Variants in CDK14 observed in about 807,000 individuals in gnomAD.
CDK14 encodes cyclin-dependent kinase 14.
In CDK14, 34 loss-of-function variants were observed where a neutral mutation model predicts 60.7. The ratio of observed to expected loss-of-function variants is 0.56; its 90% CI spans 0.43 to 0.75. The LOEUF is 0.75. Ranked by LOEUF, CDK14 falls within the 30% of genes least tolerant of loss-of-function variation. The pLI is 0.00. For synonymous variants in CDK14, 197 were observed against 203.7 expected (o/e 0.97, Z 0.28); for missense variants, 482 against 564.1 (o/e 0.85, Z 1.47).
At chr7:90,623,004 G>A (rs1799805622) in intron 2 of CDK14, among the ~76,000 whole-genome samples, 3 of 145,786 alleles carry the variant, frequency 2.1e-5, no homozygotes, top group African/African-American at 5.1e-5. Flanking sequence ...TGACAATTGT[G>A]TAATGAATAT....
At chr7:90,859,208 C>A (rs73401829) in intron 5 of CDK14, among the ~76,000 whole-genome samples, 9 of 152,250 alleles carry the variant, frequency 5.9e-5, no homozygotes, top group African/African-American at 2.2e-4. Context: ...CCTTCCCCAC[C>A]GATCAGTTAT....
intron 6 of CDK14, among the ~76,000 whole-genome samples, chr7:90,874,152 T>G (rs1791471044): frequency 6.6e-6 from 1 of 152,200 alleles, no homozygotes; most frequent in Non-Finnish European, 1.5e-5. Context: ...GGAGCTCTTT[T>G]GTCTTCATCT....
intron 2 of CDK14, among the ~76,000 whole-genome samples, chr7:90,701,173 C>T (rs534724957): frequency 6.6e-6 from 1 of 152,124 alleles, no homozygotes; most frequent in Admixed American, 6.6e-5. Flanking sequence ...TTCAGTTTCA[C>T]ATTTTTTATC....
At chr7:90,997,874 C>T (rs1369749245) in intron 10 of CDK14, among the ~76,000 whole-genome samples, 1 of 152,114 alleles carries the variant, frequency 6.6e-6, no homozygotes, top group Admixed American at 6.5e-5. Flanking sequence ...CAGTGGGCTT[C>T]AGTGAACTTC....
intron 2 of CDK14, among the ~76,000 whole-genome samples, chr7:90,628,741 C>T (rs1027966607): frequency 4.6e-5 from 7 of 152,000 alleles, no homozygotes; most frequent in Non-Finnish European, 7.4e-5. Flanking sequence ...AGACTCAAGG[C>T]GGGAGGATCA....
chr7:91,079,388 C>T, intron 11 of CDK14, 44 bp from the exon 12 acceptor site: 3 of 1,302,026 alleles, frequency 2.3e-6, no homozygotes, highest in South Asian at 2.5e-5. Flanking sequence ...GTAATATATA[C>T]ATTTGATACA....
intron 12 of CDK14, among the ~76,000 whole-genome samples, chr7:91,086,683 G>GTGTA (rs1554423868): frequency 1.6e-4 from 24 of 150,170 alleles, no homozygotes; most frequent in African/African-American, 5.4e-4. Context: ...GTGTGTGTGT[G>GTGTA]TATATATCTT....
chr7:90,608,694 A>G (rs893543303), intron 2 of CDK14: 2 of 207,924 alleles, frequency 9.6e-6, no homozygotes, highest in African/African-American at 4.7e-5. Flanking sequence ...AAAATGGGTG[A>G]CCGTGTATGA....
chr7:90,794,689 T>G (rs1456373395), intron 5 of CDK14, among the ~76,000 whole-genome samples: 1 of 151,872 alleles, frequency 6.6e-6, no homozygotes, highest in Non-Finnish European at 1.5e-5. Context: ...GATTTCATAT[T>G]GTTTAAACAA....
intron 2 of CDK14, among the ~76,000 whole-genome samples, chr7:90,706,102 TTGTC>T (rs1280573548): frequency 6.6e-6 from 1 of 152,190 alleles, no homozygotes; most frequent in Non-Finnish European, 1.5e-5. Flanking sequence ...ACAAGCCTTT[TTGTC>T]TCTTCTCTTT....
chr7:90,621,697 C>T (rs1283622287), intron 2 of CDK14, among the ~76,000 whole-genome samples: 4 of 151,582 alleles, frequency 2.6e-5, no homozygotes, highest in Admixed American at 6.6e-5. Context: ...GCCTTCCTTC[C>T]TTCCTTCCTT....
chr7:90,601,111 G>T (rs1184927436), intron 1 of CDK14, among the ~76,000 whole-genome samples: 2 of 152,254 alleles, frequency 1.3e-5, no homozygotes, highest in Non-Finnish European at 2.9e-5. Flanking sequence ...TCTAGAGGAA[G>T]GACTGTCTGA....
At chr7:90,967,171 G>A (rs1292059026) in intron 9 of CDK14, among the ~76,000 whole-genome samples, 6 of 138,736 alleles carry the variant, frequency 4.3e-5, no homozygotes, top group Non-Finnish European at 9.7e-5. Context: ...GGGAGGGAAG[G>A]AAGGAGGGAA....
intron 14 of CDK14, among the ~76,000 whole-genome samples, chr7:91,167,478 G>A (rs1442820096): frequency 2.6e-5 from 4 of 152,206 alleles, no homozygotes; most frequent in Admixed American, 6.5e-5. Context: ...GGCAGCCATT[G>A]CTACATTCAC....
chr7:90,950,485 G>A (rs534694388), intron 8 of CDK14, among the ~76,000 whole-genome samples: 1 of 152,266 alleles, frequency 6.6e-6, no homozygotes, highest in African/African-American at 2.4e-5. Flanking sequence ...ATGATATGAG[G>A]ACCTAAGAAG....
At chr7:91,060,658 A>C (rs897554865) in intron 11 of CDK14, among the ~76,000 whole-genome samples, 6 of 152,114 alleles carry the variant, frequency 3.9e-5, no homozygotes, top group Non-Finnish European at 7.4e-5. Flanking sequence ...TTCACTTATG[A>C]AACTTAGTTT....
At chr7:90,968,836 A>AAAT (rs1369105051) in intron 9 of CDK14, among the ~76,000 whole-genome samples, 1 of 151,822 alleles carries the variant, frequency 6.6e-6, no homozygotes, top group East Asian at 1.9e-4. Flanking sequence ...ACAAAAAAAA[A>AAAT]ACAGCTCTAG....
At chr7:90,933,388 G>C (rs1309311318) in intron 8 of CDK14, among the ~76,000 whole-genome samples, 1 of 152,138 alleles carries the variant, frequency 6.6e-6, no homozygotes, top group Admixed American at 6.5e-5. Flanking sequence ...GATAGTACAG[G>C]TGATGATAAG....
At chr7:90,813,886 AC>A (rs1439869053) in intron 5 of CDK14, among the ~76,000 whole-genome samples, 1 of 152,216 alleles carries the variant, frequency 6.6e-6, no homozygotes, top group African/African-American at 2.4e-5. Context: ...TTTTATACTT[AC>A]GGGTGGTATA....
Sources: allele counts gnomAD v4.1 joint callset (sites outside exome capture counted in the v4.1 genomes callset), GRCh38; gene constraint gnomAD v4.1.1; transcripts MANE v1.5; gene names NCBI Gene and HGNC (gene_info 2026-07-23, HGNC 2026-07-21).